The following PLPPR1 variants were observed in gnomAD, a reference collection of about 807,000 sequenced individuals.
PLPPR1 encodes phospholipid phosphatase-related protein type 1.
A neutral mutation model predicts 33.1 loss-of-function variants in PLPPR1; 10 were observed. The observed-to-expected ratio is 0.30, with a 90% confidence interval of 0.19 to 0.51. The LOEUF is 0.51. Among genes scored for constraint, PLPPR1 ranks in the 20% least tolerant of loss-of-function variants. PLPPR1 has a pLI of 0.97. For synonymous variants in PLPPR1, 151 were observed against 151.0 expected (o/e 1.00, Z 0.00); for missense variants, 304 against 408.1 (o/e 0.74, Z 2.20).
At chr9:101,302,062 A>C (rs956609444) in intron 4 of PLPPR1, among the ~76,000 whole-genome samples, 1 of 152,196 alleles carries the variant, frequency 6.6e-6, no homozygotes, top group Non-Finnish European at 1.5e-5. Context: ...GAGCCTTACT[A>C]TTCTGTTTGT....
chr9:101,037,820 A>G (rs573351336), intron 1 of PLPPR1, among the ~76,000 whole-genome samples: 60 of 150,932 alleles, frequency 4.0e-4, no homozygotes, highest in Middle Eastern at 3.2e-3. Context: ...AAGCAAGGGA[A>G]TATCTCTAGG....
At chr9:101,257,398 A>T (rs991024023) in intron 2 of PLPPR1, among the ~76,000 whole-genome samples, 5 of 152,140 alleles carry the variant, frequency 3.3e-5, no homozygotes, top group Non-Finnish European at 7.4e-5. Flanking sequence ...CCACTTATTC[A>T]ACCAATATTT....
intron 2 of PLPPR1, among the ~76,000 whole-genome samples, chr9:101,253,832 G>A (rs1009895365): frequency 1.3e-5 from 2 of 152,042 alleles, no homozygotes; most frequent in African/African-American, 4.8e-5. Context: ...TCCCTATCCT[G>A]ACTCTAATGT....
chr9:101,204,364 A>C (rs998755423), intron 2 of PLPPR1, among the ~76,000 whole-genome samples: 2 of 152,190 alleles, frequency 1.3e-5, no homozygotes, highest in African/African-American at 4.8e-5. Flanking sequence ...ATGGCAAAGA[A>C]AAGGCAATTC....
Position 101,049,852 on chromosome 9 carries a change from G to A in PLPPR1, c.-46+20750G>A, listed in dbSNP as rs570855213. 1.1e-3 allele frequency among the ~76,000 whole-genome samples: 170 copies of A among 151,768 alleles called. 1 individual carries two copies. The highest frequency in any genetic ancestry group is 3.6e-3 in the African/African-American group (148 of 41,420). On this transcript the variant is annotated intron_variant, in intron 1 of 7. Coordinates refer to ENST00000374874, the MANE Select transcript of PLPPR1 (RefSeq NM_207299.2). ...AAAAAAAAAAAAGTATAGGCCATGC[G>A]CGGTGGCTCATGCCTGTAATCCCAG... is the stretch of plus-strand genomic sequence containing the variant.
intron 2 of PLPPR1, among the ~76,000 whole-genome samples, chr9:101,261,305 G>A (rs1827896037): frequency 6.6e-6 from 1 of 152,096 alleles, no homozygotes; most frequent in Non-Finnish European, 1.5e-5. Flanking sequence ...AAAACCCCAT[G>A]AGTCCAAAGA....
At chr9:101,056,549 T>C (rs1222396667) in intron 1 of PLPPR1, among the ~76,000 whole-genome samples, 1 of 152,180 alleles carries the variant, frequency 6.6e-6, no homozygotes, top group African/African-American at 2.4e-5. Flanking sequence ...TTGTGGCCTT[T>C]GGAGTGATTC....
At chr9:101,079,540 A>G (rs886441947) in intron 1 of PLPPR1, among the ~76,000 whole-genome samples, 3 of 150,754 alleles carry the variant, frequency 2.0e-5, no homozygotes, top group African/African-American at 7.3e-5. Flanking sequence ...TATTTCCTTC[A>G]CATCTTGAAG....
intron 1 of PLPPR1, among the ~76,000 whole-genome samples, chr9:101,121,717 T>C (rs368768707): frequency 2.0e-5 from 3 of 152,244 alleles, no homozygotes; most frequent in African/African-American, 7.2e-5. Flanking sequence ...TAAGTGATCA[T>C]CTTAGATTTA....
At chr9:101,248,033 A>G (rs144635848) in intron 2 of PLPPR1, among the ~76,000 whole-genome samples, 2 of 152,144 alleles carry the variant, frequency 1.3e-5, no homozygotes, top group African/African-American at 4.8e-5. Flanking sequence ...AATACTAACA[A>G]TTTTAAGGAT....
At chr9:101,172,784 C>T (rs1825962155) in intron 1 of PLPPR1, among the ~76,000 whole-genome samples, 1 of 152,118 alleles carries the variant, frequency 6.6e-6, no homozygotes, top group African/African-American at 2.4e-5. Flanking sequence ...GGCCACTTGC[C>T]TGGATTCCCC....
intron 2 of PLPPR1, among the ~76,000 whole-genome samples, chr9:101,200,715 G>A (rs1004336643): frequency 6.6e-6 from 1 of 152,014 alleles, no homozygotes; most frequent in East Asian, 1.9e-4. Flanking sequence ...CCCAACCAAC[G>A]CATTTTAATC....
At chr9:101,250,058 TA>T (rs1168158196) in intron 2 of PLPPR1, among the ~76,000 whole-genome samples, 2 of 152,096 alleles carry the variant, frequency 1.3e-5, no homozygotes, top group African/African-American at 4.8e-5. Flanking sequence ...CTTTACATGA[TA>T]AAAATGTTTT....
intron 2 of PLPPR1, among the ~76,000 whole-genome samples, chr9:101,193,691 A>G (rs560443731): frequency 3.3e-5 from 5 of 152,360 alleles, no homozygotes; most frequent in African/African-American, 1.2e-4. Flanking sequence ...GAAAAAATCA[A>G]TAGGATAATA....
intron 1 of PLPPR1, among the ~76,000 whole-genome samples, chr9:101,086,405 G>A (rs576609798): frequency 1.3e-5 from 2 of 152,310 alleles, no homozygotes; most frequent in South Asian, 2.1e-4. Context: ...GTTGTCCTAT[G>A]ATGGGTCAAA....
intron 1 of PLPPR1, among the ~76,000 whole-genome samples, chr9:101,177,602 G>A (rs1409574449): frequency 6.6e-6 from 1 of 152,116 alleles, no homozygotes; most frequent in African/African-American, 2.4e-5. Flanking sequence ...AGCATTTGCT[G>A]CTCCATATGG....
Position 101,251,605 on chromosome 9 carries a change from C to G in PLPPR1, c.64-18275C>G, listed in dbSNP as rs1827713665. Among the ~76,000 whole-genome samples the G allele has an allele frequency of 5.4e-5, 7 of 129,010 alleles. No individual in the cohort carries two copies. The Admixed American group carries it at 5.5e-4, about 10-fold the overall frequency. The allele number at this position is 129,010 out of a possible 152,430, so 84.6% of individuals were successfully genotyped here. A position where few individuals can be genotyped will look rare whatever the true frequency, so the allele number is the denominator to read the frequency against. ...AATTTAACTTCCTCTACCTGGCATC[C>G]AAAGGTCTCCTTTTTTGAGTTTCAC... On this transcript the variant is annotated intron_variant, in intron 2 of 7. Transcript: ENST00000374874.
intron 1 of PLPPR1, among the ~76,000 whole-genome samples, chr9:101,107,166 A>G (rs9409331): frequency 0.56 from 57,675 of 102,606 alleles, 20,277 homozygotes; most frequent in East Asian, 0.62. Flanking sequence ...ATCATTCTCC[A>G]TCCAGCTTTG....
intron 2 of PLPPR1, among the ~76,000 whole-genome samples, chr9:101,185,899 T>A (rs1370264302): frequency 6.6e-6 from 1 of 151,930 alleles, no homozygotes; most frequent in Non-Finnish European, 1.5e-5. Flanking sequence ...TTAATTTTTT[T>A]ATTAAAAAAT....
Sources: gnomAD v4.1 joint callset for allele counts (sites outside exome capture counted in the v4.1 genomes callset) on GRCh38, gnomAD v4.1.1 for gene constraint, MANE v1.5 for transcripts, NCBI Gene and HGNC (gene_info 2026-07-23, HGNC 2026-07-21) for gene names.